KIAA0825: variants seen among roughly 807,000 people sequenced by gnomAD.
KIAA0825 encodes the protein KIAA0825.
A neutral mutation model predicts 147.6 loss-of-function variants in KIAA0825; 119 were observed. That is an observed-to-expected ratio of 0.81 (90% CI 0.69 to 0.94). The LOEUF (loss-of-function observed/expected upper bound fraction) is 0.94, where lower values mean the gene tolerates loss of function less well. Ranked by LOEUF, KIAA0825 falls within the 40% of genes least tolerant of loss-of-function variation. The pLI is 0.00. For synonymous variants in KIAA0825, 470 were observed against 518.1 expected, an observed-to-expected ratio of 0.91 and a Z score of 1.26; for missense variants, 1,381 against 1,472.7, an observed-to-expected ratio of 0.94 and a Z score of 1.02.
intron 20 of KIAA0825, among the ~76,000 whole-genome samples, chr5:94,157,637 T>A (rs1245939543): frequency 1.3e-5 from 2 of 152,242 alleles, no homozygotes; most frequent in Non-Finnish European, 2.9e-5. Context: ...TATTAGCACA[T>A]ATTATAGAGC....
intron 20 of KIAA0825, among the ~76,000 whole-genome samples, chr5:94,241,657 AC>A (rs780167221): frequency 3.9e-5 from 6 of 152,160 alleles, no homozygotes; most frequent in Non-Finnish European, 7.3e-5. Flanking sequence ...AAAATAAAAT[AC>A]CCTTCCTACA....
intron 2 of KIAA0825, among the ~76,000 whole-genome samples, chr5:94,541,071 A>T (rs1329257472): frequency 2.0e-5 from 3 of 152,240 alleles, no homozygotes; most frequent in Non-Finnish European, 4.4e-5. Context: ...GAAAGAATTT[A>T]TGAAAGGGAA....
chr5:94,615,934 C>T (rs960636904), intron 1 of KIAA0825, among the ~76,000 whole-genome samples: 1 of 151,890 alleles, frequency 6.6e-6, no homozygotes, highest in African/African-American at 2.4e-5. Context: ...AAGTATAGAA[C>T]ATAGTAAAAA....
rs529261183 is a variant in KIAA0825, at chr5:94,197,531, C to A, written c.3711-43407G>T. The stretch of plus-strand genomic sequence containing the variant: ...TTGCAATTGCTTTTGGGGACTTCAT[C>A]ATGAAATTGTTGCCAAGGCCAATGT... On this transcript the variant is annotated intron_variant, in intron 20 of 20. Transcript: ENST00000682413. 3.3e-5 allele frequency among the ~76,000 whole-genome samples: 5 copies of A among 152,266 alleles called. No individual in the cohort carries two copies. In the South Asian group the frequency reaches 1.0e-3, roughly 32 times the overall value.
At chr5:94,173,207 T>C (rs186207839) in intron 20 of KIAA0825, among the ~76,000 whole-genome samples, 5 of 146,520 alleles carry the variant, frequency 3.4e-5, no homozygotes, top group African/African-American at 1.4e-4. Flanking sequence ...CCAGGGCAAA[T>C]ACCATAGGAA....
chr5:94,406,685 T>C (rs1430700543), intron 15 of KIAA0825, among the ~76,000 whole-genome samples: 3 of 152,174 alleles, frequency 2.0e-5, no homozygotes, highest in African/African-American at 7.2e-5. Flanking sequence ...TGAATCTTGG[T>C]AAAAACAGTG....
chr5:94,534,388 T>C (rs1771547056), intron 3 of KIAA0825, among the ~76,000 whole-genome samples: 1 of 152,186 alleles, frequency 6.6e-6, no homozygotes, highest in Non-Finnish European at 1.5e-5. Context: ...ATTATGTTTA[T>C]TCTCTGGAGT....
rs753815697 is a variant in KIAA0825, at chr5:94,328,000, G to A, written c.3710+56368C>T. 4.0e-5 allele frequency among the ~76,000 whole-genome samples: 6 copies of A among 151,756 alleles called. No homozygotes were observed. In the South Asian group the frequency reaches 6.2e-4, roughly 16 times the overall value. ...CAGCCTGGTGACAGAGCTAGACTCC[G>A]TCTCAAAAAAAAAGAACTCATGTTT... On this transcript the variant is annotated intron_variant, in intron 20 of 20. Coordinates refer to ENST00000682413, the MANE Select transcript of KIAA0825 (RefSeq NM_001145678.3).
At chr5:94,529,687 C>G (rs1379911408) in intron 3 of KIAA0825, among the ~76,000 whole-genome samples, 1 of 151,976 alleles carries the variant, frequency 6.6e-6, no homozygotes, top group African/African-American at 2.4e-5. Flanking sequence ...GCTCTCTCTA[C>G]TATTTGAAAT....
intron 5 of KIAA0825, among the ~76,000 whole-genome samples, chr5:94,485,204 T>C (rs1280963949): frequency 6.6e-6 from 1 of 151,420 alleles, no homozygotes; most frequent in Non-Finnish European, 1.5e-5. Context: ...TCTTGTAAAA[T>C]CACATCTTAC....
chr5:94,323,435 A>C (rs1272332460), intron 20 of KIAA0825, among the ~76,000 whole-genome samples: 1 of 151,780 alleles, frequency 6.6e-6, no homozygotes, highest in Admixed American at 6.6e-5. Context: ...ATGTCTCTCC[A>C]ATCTCTCAGC....
intron 20 of KIAA0825, among the ~76,000 whole-genome samples, chr5:94,278,095 C>A (rs1740358321): frequency 6.6e-6 from 1 of 152,002 alleles, no homozygotes; most frequent in Non-Finnish European, 1.5e-5. Context: ...GGGAACATCA[C>A]ACAGTGGGAC....
intron 20 of KIAA0825, among the ~76,000 whole-genome samples, chr5:94,242,000 T>C (rs972104181): frequency 6.6e-6 from 1 of 152,226 alleles, no homozygotes; most frequent in African/African-American, 2.4e-5. Context: ...AGCAAATAAC[T>C]CATTTATATG....
At chr5:94,238,910 T>C (rs1232714749) in intron 20 of KIAA0825, among the ~76,000 whole-genome samples, 1 of 152,178 alleles carries the variant, frequency 6.6e-6, no homozygotes, top group Admixed American at 6.5e-5. Context: ...TAGAATGAAA[T>C]ATCTAAGAAA....
At chr5:94,325,040 G>A (rs192645027) in intron 20 of KIAA0825, among the ~76,000 whole-genome samples, 1 of 152,032 alleles carries the variant, frequency 6.6e-6, no homozygotes, top group East Asian at 1.9e-4. Context: ...TAAGACATAT[G>A]CTCTCATTGC....
chr5:94,241,976 T>G (rs1191391546), intron 20 of KIAA0825, among the ~76,000 whole-genome samples: 1 of 152,240 alleles, frequency 6.6e-6, no homozygotes, highest in Non-Finnish European at 1.5e-5. Flanking sequence ...CTCTCTCTCA[T>G]TCTTCCTTTT....
chr5:94,516,302 T>C (rs183613614), intron 5 of KIAA0825, among the ~76,000 whole-genome samples: 59 of 152,248 alleles, frequency 3.9e-4, no homozygotes, highest in Middle Eastern at 3.4e-3. Context: ...AAAGGCCAAC[T>C]GGTAGAATAA....
chr5:94,390,994 G>T (rs1429324749), intron 18 of KIAA0825, among the ~76,000 whole-genome samples: 2 of 152,188 alleles, frequency 1.3e-5, no homozygotes, highest in East Asian at 3.8e-4. Context: ...CCAAAAACAT[G>T]CAAGGTCAGA....
intron 20 of KIAA0825, among the ~76,000 whole-genome samples, chr5:94,266,966 A>G (rs992714360): frequency 1.3e-5 from 2 of 152,182 alleles, no homozygotes; most frequent in African/African-American, 4.8e-5. Context: ...GTAGATGTTC[A>G]ATAAATATCT....
Sources: gnomAD v4.1 joint callset for allele counts (sites outside exome capture counted in the v4.1 genomes callset) on GRCh38, gnomAD v4.1.1 for gene constraint, MANE v1.5 for transcripts, NCBI Gene and HGNC (gene_info 2026-07-23, HGNC 2026-07-21) for gene names.